Variants in EXOC2 observed in about 807,000 individuals in gnomAD.
EXOC2 encodes SEC5-like 1.
A neutral mutation model predicts 131.8 loss-of-function variants in EXOC2; 70 were observed. The ratio of observed to expected loss-of-function variants is 0.53; its 90% CI spans 0.44 to 0.65. The LOEUF is 0.65. Among genes scored for constraint, EXOC2 ranks in the 30% least tolerant of loss-of-function variants. The pLI, the probability that EXOC2 is intolerant of heterozygous loss-of-function variation, is 0.00. For synonymous variants in EXOC2, 411 were observed against 398.4 expected, an observed-to-expected ratio of 1.03 and a Z score of -0.38; for missense variants, 923 against 1,108.6, an observed-to-expected ratio of 0.83 and a Z score of 2.38.
intron 27 of EXOC2, among the ~76,000 whole-genome samples, chr6:487,108 G>C (rs1471415653): frequency 6.6e-6 from 1 of 152,000 alleles, no homozygotes; most frequent in Non-Finnish European, 1.5e-5. Context: ...CTTTTTGTTA[G>C]ATGGTTCTAT....
intron 23 of EXOC2, chr6:524,083 GATTT>G (rs1474835364): frequency 6.6e-6 from 1 of 152,142 alleles, no homozygotes; most frequent in African/African-American, 2.4e-5. Context: ...TCTGCTTATG[GATTT>G]ATTTTTTTAT....
intron 13 of EXOC2, among the ~76,000 whole-genome samples, chr6:565,557 A>T (rs1324508627): frequency 6.6e-6 from 1 of 152,168 alleles, no homozygotes; most frequent in Non-Finnish European, 1.5e-5. Context: ...TTATTAACAA[A>T]TTTTCTAACT....
chr6:607,904 AT>A (rs1253570855), intron 7 of EXOC2, among the ~76,000 whole-genome samples: 1 of 152,224 alleles, frequency 6.6e-6, no homozygotes, highest in Non-Finnish European at 1.5e-5. Context: ...TAAACTCTGA[AT>A]AAATGACCTA....
intron 12 of EXOC2, among the ~76,000 whole-genome samples, chr6:574,044 C>T (rs1008784): frequency 6.6e-6 from 1 of 152,214 alleles, no homozygotes; most frequent in Non-Finnish European, 1.5e-5. Context: ...TGTATTCAAA[C>T]GTAAGGCAAA....
intron 23 of EXOC2, among the ~76,000 whole-genome samples, chr6:516,326 C>T (rs1446809909): frequency 6.6e-6 from 1 of 152,158 alleles, no homozygotes; most frequent in Non-Finnish European, 1.5e-5. Context: ...AGCTGCTAGG[C>T]CACGCGTACA....
chr6:571,055 T>C, intron 13 of EXOC2, among the ~76,000 whole-genome samples: 1 of 152,206 alleles, frequency 6.6e-6, no homozygotes, highest in East Asian at 1.9e-4. Context: ...GAAAGACTTA[T>C]CAGGACAAAA....
chr6:545,204 C>T (rs977138625), intron 22 of EXOC2, among the ~76,000 whole-genome samples: 1 of 150,938 alleles, frequency 6.6e-6, no homozygotes, highest in Admixed American at 6.6e-5. Context: ...TAATGCCAGC[C>T]ATGTTTAATG....
At chr6:583,506 C>A (rs764516923) in intron 11 of EXOC2, among the ~76,000 whole-genome samples, 1 of 152,074 alleles carries the variant, frequency 6.6e-6, no homozygotes, top group Non-Finnish European at 1.5e-5. Context: ...AAAAAAGAGA[C>A]CTTAATCCAA....
At chr6:590,852 T>G (rs996541837) in intron 11 of EXOC2, among the ~76,000 whole-genome samples, 3 of 152,204 alleles carry the variant, frequency 2.0e-5, no homozygotes, top group African/African-American at 7.2e-5. Flanking sequence ...ACCACCTGTA[T>G]GCCCACCAAG....
intron 10 of EXOC2, among the ~76,000 whole-genome samples, chr6:596,273 C>T (rs1042916435): frequency 1.3e-5 from 2 of 151,826 alleles, no homozygotes; most frequent in African/African-American, 2.4e-5. Flanking sequence ...ATACTCCCGC[C>T]GTACGCCTCA....
rs532226383 is a variant in EXOC2, at chr6:643,357, C to T, written c.-43-5496G>A. Among the ~76,000 whole-genome samples, 60 of 151,878 alleles carry T rather than the reference C, an allele frequency of 4.0e-4. 1 individual carries two copies. In the South Asian group the frequency reaches 0.012, roughly 31 times the overall value. ...AGTAAGTCACAGGCAATTCCAAAGA[C>T]CGAAATTCCGAAGATTACAAAGGAA... is the stretch of plus-strand genomic sequence containing the variant. On this transcript the variant is annotated intron_variant, in intron 1 of 27. Coordinates refer to ENST00000230449, the MANE Select transcript of EXOC2 (RefSeq NM_018303.6).
chr6:641,606 G>A (rs1181347017), intron 1 of EXOC2, among the ~76,000 whole-genome samples: 2 of 152,112 alleles, frequency 1.3e-5, no homozygotes, highest in Non-Finnish European at 2.9e-5. Flanking sequence ...AACAAAAAAG[G>A]AAGTCCAGAA....
At chr6:503,165 CTT>C (rs34676213) in intron 23 of EXOC2, among the ~76,000 whole-genome samples, 38 of 147,036 alleles carry the variant, frequency 2.6e-4, no homozygotes, top group Admixed American at 4.7e-4. Flanking sequence ...GGAGCAAGTA[CTT>C]TTTTTTTTTT....
intron 11 of EXOC2, among the ~76,000 whole-genome samples, chr6:578,313 TC>T (rs1758695682): frequency 6.6e-6 from 1 of 152,160 alleles, no homozygotes; most frequent in Non-Finnish European, 1.5e-5. Context: ...TTGAGCTCCC[TC>T]CCGCATGTGA....
intron 1 of EXOC2, among the ~76,000 whole-genome samples, chr6:679,757 CATT>C (rs1764315239): frequency 6.6e-6 from 1 of 152,158 alleles, no homozygotes; most frequent in Admixed American, 6.5e-5. Flanking sequence ...GCCAGTGAAA[CATT>C]ATGAAAAACA....
At chr6:647,906 C>A (rs1762650702) in intron 1 of EXOC2, among the ~76,000 whole-genome samples, 1 of 151,946 alleles carries the variant, frequency 6.6e-6, no homozygotes. Flanking sequence ...AAAGTCTGAT[C>A]TACTTTCTTA....
intron 11 of EXOC2, among the ~76,000 whole-genome samples, chr6:580,462 T>C (rs1342739224): frequency 1.3e-5 from 2 of 152,244 alleles, no homozygotes; most frequent in Non-Finnish European, 2.9e-5. Flanking sequence ...GTAAATTTTC[T>C]ATAGAAATTA....
chr6:604,948 G>A (rs1760320430), intron 7 of EXOC2, among the ~76,000 whole-genome samples: 1 of 151,946 alleles, frequency 6.6e-6, no homozygotes, highest in East Asian at 1.9e-4. Flanking sequence ...GTGGGCTGTA[G>A]CCACACCTGA....
At chr6:660,804 C>T (rs757940431) in intron 1 of EXOC2, among the ~76,000 whole-genome samples, 1 of 152,014 alleles carries the variant, frequency 6.6e-6, no homozygotes, top group Non-Finnish European at 1.5e-5. Flanking sequence ...ATGAAGGAAT[C>T]CCTGATTTAC....
Sources: allele counts gnomAD v4.1 joint callset (sites outside exome capture counted in the v4.1 genomes callset), GRCh38; gene constraint gnomAD v4.1.1; transcripts MANE v1.5; gene names NCBI Gene and HGNC (gene_info 2026-07-23, HGNC 2026-07-21).